Variants in ABI1 observed in about 807,000 individuals in gnomAD.
The protein encoded by ABI1 is Abelson interactor 1.
Under a neutral mutation model 54.6 loss-of-function variants are expected in ABI1, and 14 were observed. The observed-to-expected ratio is 0.26, with a 90% CI of 0.17 to 0.40. The LOEUF (loss-of-function observed/expected upper bound fraction) is 0.40. ABI1 is among the 10% of genes least tolerant of loss of function. ABI1 has a pLI of 1.00. For missense variants in ABI1, 443 were observed against 598.3 expected, an observed-to-expected ratio of 0.74 and a Z score of 2.71; for synonymous variants, 194 against 209.3, an observed-to-expected ratio of 0.93 and a Z score of 0.63.
rs796236947 is a variant in ABI1 at position 26,761,657 on chromosome 10, TATATAC to T, written c.821-2425_821-2420del. 7.5e-3 allele frequency among the ~76,000 whole-genome samples: 686 copies of T among 91,588 alleles called. 24 individuals are homozygous for T. Among genetic ancestry groups the T allele is most frequent in the East Asian group, 0.069 (257 of 3,708 alleles). 60.1% of individuals were successfully genotyped at this position (91,588 alleles called of 152,430 possible). A position where few individuals can be genotyped will look rare whatever the true frequency, so the allele number is the denominator to read the frequency against. ...ATATATATATATATATATATATATA[TATATAC>T]ACACACACATACACATATATAACCT... On this transcript the variant is annotated intron_variant, in intron 7 of 10. Transcript: ENST00000376140.
chr10:26,813,607 C>A (rs769131615), intron 2 of ABI1, among the ~76,000 whole-genome samples: 10 of 152,190 alleles, frequency 6.6e-5, no homozygotes, highest in Non-Finnish European at 1.2e-4. Context: ...AAGATCCTGT[C>A]TTTTCTAACT....
intron 1 of ABI1, among the ~76,000 whole-genome samples, chr10:26,833,281 A>T (rs901385324): frequency 2.0e-5 from 3 of 152,362 alleles, no homozygotes; most frequent in Admixed American, 6.5e-5. Context: ...CTCAGTATAC[A>T]GAATTCCAAG....
intron 2 of ABI1, among the ~76,000 whole-genome samples, chr10:26,810,575 T>C (rs1263619838): frequency 2.6e-5 from 4 of 152,234 alleles, no homozygotes; most frequent in African/African-American, 9.6e-5. Context: ...ATATGGCTTC[T>C]GTCGTAACGA....
intron 2 of ABI1, among the ~76,000 whole-genome samples, chr10:26,801,867 T>C (rs775960770): frequency 6.6e-6 from 1 of 152,160 alleles, no homozygotes; most frequent in East Asian, 1.9e-4. Flanking sequence ...GCAATGACCA[T>C]AATAGACCTC....
At chr10:26,761,854 TATC>T (rs1406782957) in intron 7 of ABI1, among the ~76,000 whole-genome samples, 1 of 151,788 alleles carries the variant, frequency 6.6e-6, no homozygotes, top group African/African-American at 2.4e-5. Context: ...TATGTAAATA[TATC>T]ATAATTTATT....
chr10:26,814,370 T>A (rs559678701), intron 2 of ABI1, among the ~76,000 whole-genome samples: 3 of 152,188 alleles, frequency 2.0e-5, no homozygotes, highest in African/African-American at 7.2e-5. Flanking sequence ...ATAAACCAAA[T>A]GATCTCATGT....
intron 2 of ABI1, among the ~76,000 whole-genome samples, chr10:26,779,611 G>T (rs1035502645): frequency 6.6e-6 from 1 of 152,166 alleles, no homozygotes; most frequent in Non-Finnish European, 1.5e-5. Flanking sequence ...TAGAACTTTG[G>T]CTAGTTTGCT....
intron 1 of ABI1, among the ~76,000 whole-genome samples, chr10:26,856,275 GA>G (rs199900095): frequency 0.13 from 13,510 of 105,566 alleles, 761 homozygotes; most frequent in Middle Eastern, 0.22. Context: ...TCTGTCTAAA[GA>G]AAAAAAAAAA....
At chr10:26,811,337 A>G (rs1449440014) in intron 2 of ABI1, among the ~76,000 whole-genome samples, 1 of 152,170 alleles carries the variant, frequency 6.6e-6, no homozygotes, top group East Asian at 1.9e-4. Flanking sequence ...AAGAATCTAT[A>G]TTCTATATTA....
At chr10:26,851,145 T>C (rs2050354338) in intron 1 of ABI1, among the ~76,000 whole-genome samples, 1 of 152,006 alleles carries the variant, frequency 6.6e-6, no homozygotes, top group Non-Finnish European at 1.5e-5. Context: ...GCAGTGGAAA[T>C]AGAACAGGTT....
rs368850453 is a variant in ABI1, at chr10:26,855,087, G to A, written c.117+5660C>T. ...CAGATTAGGGAGGCTCAACCAGTAA[G>A]TATATAATGCAAACATTCCAAAATT... On this transcript the variant is annotated intron_variant, in intron 1 of 10. Coordinates refer to ENST00000376140, the MANE Select transcript of ABI1 (RefSeq NM_001012750.3). Among the ~76,000 whole-genome samples the A allele has an allele frequency of 2.6e-5, 4 of 152,144 alleles. No homozygotes were observed. The South Asian group carries it at 8.3e-4, about 31-fold the overall frequency.
intron 6 of ABI1, among the ~76,000 whole-genome samples, chr10:26,766,025 A>C (rs1839910334): frequency 6.6e-6 from 1 of 152,232 alleles, no homozygotes; most frequent in Non-Finnish European, 1.5e-5. Context: ...AGGTAATGTA[A>C]TAGATACAAC....
At chr10:26,830,924 T>A (rs2048630495) in intron 1 of ABI1, among the ~76,000 whole-genome samples, 1 of 152,132 alleles carries the variant, frequency 6.6e-6, no homozygotes, top group Admixed American at 6.6e-5. Context: ...AAAGACAGTG[T>A]CTTTCTCTGT....
chr10:26,759,100 G>A lies in ABI1; in HGVS notation c.959C>T (p.Pro320Leu), dbSNP rs1380602804. 6.2e-7 allele frequency: 1 copy of A among 1,613,890 alleles called. No homozygotes were observed. Among genetic ancestry groups the A allele is most frequent in the Non-Finnish European group, 8.5e-7 (1 of 1,179,950 alleles). ...ATAAAGTGGACCTCCATTAACATGA[G>A]GCTGAGCAGAAAATTGAGCAGTCAC... ...PSVTAQFSAQPHVNGGPLYSQ... is the reference protein window; with the variant it reads ...PSVTAQFSAQLHVNGGPLYSQ... The change falls in exon 8 of 11, where the codon CCT (proline) becomes CTT (leucine). Residue 320 changes from proline (P) to leucine (L), a missense_variant. Around this residue, in one of 2 missense-constraint regions of ABI1, gnomAD observed 394 missense variants for 484.8 expected, o/e 0.81. Coordinates refer to ENST00000376140, the MANE Select transcript of ABI1 (RefSeq NM_001012750.3).
chr10:26,758,333 A>G (rs529174905), intron 8 of ABI1, among the ~76,000 whole-genome samples: 2 of 152,248 alleles, frequency 1.3e-5, no homozygotes, highest in South Asian at 4.1e-4. Flanking sequence ...CAACAGGTTC[A>G]TTTCTAATTT....
At chr10:26,758,004 G>T (rs1838539269) in intron 8 of ABI1, among the ~76,000 whole-genome samples, 1 of 146,918 alleles carries the variant, frequency 6.8e-6, no homozygotes, top group Non-Finnish European at 1.5e-5. Context: ...GGAGGGTGAG[G>T]TTGCAGTGGA....
chr10:26,758,056 GAAACTCTGTCTCAAAA>G (rs1451726271), intron 8 of ABI1, among the ~76,000 whole-genome samples: 3 of 95,958 alleles, frequency 3.1e-5, no homozygotes, highest in Non-Finnish European at 5.6e-5. Context: ...CGACAAGAGT[GAAACTCTGTCTCAAAA>G]AAAAAAAAAA....
rs117875658 is a variant in ABI1 at position 26,785,626 on chromosome 10, G to T, written c.286-8385C>A. ...AGTCTCAGTTACTTGCGGGGGTGCT[G>T]AGGCATGAGAATCGCTTGAACCCAG... On this transcript the variant is annotated intron_variant, in intron 2 of 10. Coordinates refer to ENST00000376140, the MANE Select transcript of ABI1 (RefSeq NM_001012750.3). Among the ~76,000 whole-genome samples the T allele has an allele frequency of 3.6e-3, 543 of 152,110 alleles. 4 individuals are homozygous for T. Among genetic ancestry groups the T allele is most frequent in the East Asian group, 0.029 (150 of 5,182 alleles).
intron 1 of ABI1, among the ~76,000 whole-genome samples, chr10:26,856,264 C>T (rs1436243995): frequency 6.8e-6 from 1 of 146,578 alleles, no homozygotes; most frequent in African/African-American, 2.5e-5. Flanking sequence ...CAGAGTAAGG[C>T]TCTGTCTAAA....
Sources: allele counts gnomAD v4.1 joint callset (sites outside exome capture counted in the v4.1 genomes callset), GRCh38; gene constraint gnomAD v4.1.1; regional missense constraint gnomAD v4.1.1; transcripts MANE v1.5; gene names NCBI Gene and HGNC (gene_info 2026-07-23, HGNC 2026-07-21).